GRM6: variants seen among roughly 807,000 people sequenced by gnomAD.
GRM6 encodes metabotropic glutamate receptor 6.
In GRM6, 73 loss-of-function variants were observed where a neutral mutation model predicts 78.4. The ratio of observed to expected loss-of-function variants is 0.93; its 90% CI spans 0.77 to 1.13. GRM6 has a LOEUF of 1.13. Ranked by LOEUF, GRM6 falls within the 50% of genes most tolerant of loss-of-function variation. The pLI is 0.00. For missense variants in GRM6, 1,251 were observed against 1,256.4 expected (o/e 1.00, Z 0.07); for synonymous variants, 580 against 555.0 (o/e 1.05, Z -0.63).
chr5:178,994,471 G>C lies in GRM6; in HGVS notation c.474C>G (p.Ile158Met). 6.7e-7 allele frequency: 1 copy of C among 1,485,220 alleles called. No homozygotes were observed. Among genetic ancestry groups the C allele is most frequent in the East Asian group, 2.9e-5 (1 of 34,600 alleles). 92.0% of individuals were successfully genotyped at this position (1,485,220 alleles called of 1,614,324 possible). A position where few individuals can be genotyped will look rare whatever the true frequency, so the allele number is the denominator to read the frequency against. ...ACAGGCGCAGCACGTTGGCGACCAT[G>C]ATGGAGACGGAGCTGGCCGAGGCGC... ...VVGASASSVSIMVANVLRLFA... is the reference protein window; with the variant it reads ...VVGASASSVSMMVANVLRLFA... The change falls in exon 2 of 11, where the codon ATC becomes ATG. Residue 158 changes from isoleucine (I) to methionine (M), a missense_variant. Transcript: ENST00000517717.
chr5:178,986,407 A>G lies in GRM6; in HGVS notation c.1847T>C (p.Val616Ala). The G allele has an allele frequency of 6.2e-7, 1 of 1,613,782 alleles. No homozygotes were observed. Among genetic ancestry groups the G allele is most frequent in the Non-Finnish European group, 8.5e-7 (1 of 1,179,990 alleles). Residue 616 changes from valine to alanine, a missense_variant, in exon 9 of 11, where the codon GTC (valine) becomes GCC (alanine). Coordinates refer to ENST00000517717, the MANE Select transcript of GRM6 (RefSeq NM_000843.4). Reference sequence around the variant, plus strand: ...GCTGAGCTCTCGGCCCGAGGCCCGGACGATGGGCGTGTTGTTGTACCGCAC... The same window carrying G: ...GCTGAGCTCTCGGCCCGAGGCCCGGGCGATGGGCGTGTTGTTGTACCGCAC... ...TFVRYNNTPI[V>A]RASGRELSYV...
In GRM6 at chr5:178,994,646, G is replaced by T. The variant is rs1464115346; in HGVS notation, c.299C>A (p.Ser100Ter). ...RLGARLLDTC[S>*]RDTYALEQAL... is the part of the protein sequence containing the mutation. ...CTGCTCCAGCGCGTAGGTGTCCCGC[G>T]AGCAGGTGTCCAGCAGCCGCGCGCC... Residue 100 changes from serine (S) to a stop codon, truncating the protein, a stop_gained, in exon 2 of 11, where the codon TCG becomes TAG. Transcript: ENST00000517717. LOFTEE classifies it high-confidence loss of function. The T allele has an allele frequency of 1.4e-6, 2 of 1,463,086 alleles. No individual in the cohort carries two copies. Among genetic ancestry groups the T allele is most frequent in the Non-Finnish European group, 9.0e-7 (1 of 1,110,348 alleles). The allele number at this position is 1,463,086 out of a possible 1,614,324, so 90.6% of individuals were successfully genotyped here.
Position 178,986,263 on chromosome 5 carries a change from CT to C in GRM6, c.1990del (p.Ser664AlafsTer49), listed in dbSNP as rs1250822131. ...RLFLGLGTTL[S>X]YSALLTKTNR... Reference sequence around the variant, plus strand: ...GGTCTTGGTGAGCAGGGCAGAGTAGCTGAGGGTCGTGCCCAGGCCCAGGAAG... The same window carrying C: ...GGTCTTGGTGAGCAGGGCAGAGTAGCGAGGGTCGTGCCCAGGCCCAGGAAG... On this transcript the variant is annotated frameshift_variant, in exon 9 of 11. Transcript: ENST00000517717. LOFTEE classifies it high-confidence loss of function. 11 of 1,614,036 alleles carry C rather than the reference CT, an allele frequency of 6.8e-6. No individual in the cohort carries two copies. Among genetic ancestry groups the C allele is most frequent in the African/African-American group, 1.3e-5 (1 of 74,936 alleles).
intron 4 of GRM6, 21 bp from the exon 5 acceptor site, chr5:178,990,767 G>A (rs768776744): frequency 6.4e-7 from 1 of 1,550,404 alleles, no homozygotes. Flanking sequence ...CAGGGCTGGG[G>A]TGAGGGAGGG....
chr5:178,989,521 G>A (rs1164951422), intron 5 of GRM6, 116 bp from the exon 6 acceptor site: 2 of 1,331,264 alleles, frequency 1.5e-6, no homozygotes, highest in African/African-American at 1.5e-5. Context: ...GCTAGGAGTG[G>A]CCAGGTGAAC....
chr5:178,991,281 A>T lies in GRM6; in HGVS notation c.857+143T>A. ...GCTTCTGAGCCTGGGCACCAGACTC[A>T]GAGGCAGCAGCAGGGAAGGTGGGGG... On this transcript the variant is annotated intron_variant, in intron 4 of 10. Coordinates refer to ENST00000517717, the MANE Select transcript of GRM6 (RefSeq NM_000843.4). This position sits in a 1 kb window ranked among gnomAD's most constrained non-coding sequence, Gnocchi z 5.0. 1.2e-6 allele frequency: 1 copy of T among 854,914 alleles called. No homozygotes were observed. Among genetic ancestry groups the T allele is most frequent in the Non-Finnish European group, 2.0e-6 (1 of 505,864 alleles). The allele number at this position is 854,914 out of a possible 1,614,324, so 53.0% of individuals were successfully genotyped here.
intron 10 of GRM6, chr5:178,982,695 A>AAG (rs1021034678): frequency 2.8e-6 from 1 of 361,276 alleles, no homozygotes; most frequent in African/African-American, 2.2e-5. Flanking sequence ...AAAATGATAA[A>AAG]AAAAAAAAAG....
Position 178,994,614 on chromosome 5 carries a change from T to A in GRM6, c.331A>T (p.Ser111Cys). ...CCGCGGATCAGCGCCTGCACGAAGC[T>A]CAGCGCCTGCTCCAGCGCGTAGGTG... Reference protein sequence around the residue: ...RDTYALEQALSFVQALIRGRG... With the variant: ...RDTYALEQALCFVQALIRGRG... Residue 111 changes from serine (S) to cysteine (C), a missense_variant, in exon 2 of 11, where the codon AGC becomes TGC. By Grantham distance (112) the Ser-to-Cys change is moderately radical (BLOSUM62 -1). Coordinates refer to ENST00000517717, the MANE Select transcript of GRM6 (RefSeq NM_000843.4). 6.9e-7 allele frequency: 1 copy of A among 1,441,416 alleles called. No individual in the cohort carries two copies. Among genetic ancestry groups the A allele is most frequent in the Non-Finnish European group, 9.1e-7 (1 of 1,098,566 alleles). 89.3% of individuals were successfully genotyped at this position (1,441,416 alleles called of 1,614,324 possible).
chr5:178,989,414 A>G lies in GRM6; in HGVS notation c.1013-9T>C. ...GAAGTACTGGTCAAATCCTACAGAC[A>G]GGGAAGAAGGGGGAGGGTGGCGCTG... On this transcript the variant is annotated splice_polypyrimidine_tract_variant and intron_variant, in intron 5 of 10. Coordinates refer to ENST00000517717, the MANE Select transcript of GRM6 (RefSeq NM_000843.4). The G allele has an allele frequency of 6.2e-7, 1 of 1,614,030 alleles. No homozygotes were observed. The highest frequency in any genetic ancestry group is 8.5e-7 in the Non-Finnish European group (1 of 1,180,002).
At chr5:178,985,509 C>A (rs918393233) in intron 9 of GRM6, 2 of 336,826 alleles carry the variant, frequency 5.9e-6, no homozygotes, top group Non-Finnish European at 1.2e-5. Flanking sequence ...CGAGACCATC[C>A]TGGCTAACAC....
chr5:178,981,640 C>T lies in GRM6; in HGVS notation c.*17G>A, dbSNP rs767370044. The T allele has an allele frequency of 3.1e-5, 49 of 1,597,158 alleles. No individual in the cohort carries two copies. Among genetic ancestry groups the T allele is most frequent in the Middle Eastern group, 1.7e-4 (1 of 6,036 alleles). On this transcript the variant is annotated 3_prime_UTR_variant, in exon 11 of 11. Transcript: ENST00000517717. The surrounding 1 kb of genome is among the most constrained non-coding windows in gnomAD (Gnocchi z 5.1). ...AGAAAGGAGAGGCAGCAAGCAGTCC[C>T]GTTCCCACCTGCCCTGCTACTTGTG... is the stretch of plus-strand genomic sequence containing the variant.
chr5:178,990,251 A>T (rs139067568), intron 5 of GRM6: 5 of 359,478 alleles, frequency 1.4e-5, no homozygotes, highest in Non-Finnish European at 2.7e-5. Flanking sequence ...GATCACCAGG[A>T]TGGTATATTC....
rs1760441153 is a variant in GRM6, at chr5:178,983,239, G to A, written c.2125-18C>T. 1.2e-6 allele frequency: 2 copies of A among 1,601,380 alleles called. No individual in the cohort carries two copies. The highest frequency in any genetic ancestry group is 1.7e-6 in the Non-Finnish European group (2 of 1,171,088). On this transcript the variant is annotated intron_variant, in intron 9 of 10. Coordinates refer to ENST00000517717, the MANE Select transcript of GRM6 (RefSeq NM_000843.4). Reference sequence around the variant, plus strand: ...CCCACCACCTGCAGGAGCCAACACTGCATCAGACACAGCACTTTCCAGGGA... The same window carrying A: ...CCCACCACCTGCAGGAGCCAACACTACATCAGACACAGCACTTTCCAGGGA...
chr5:178,989,670 T>C (rs1259876328), intron 5 of GRM6: 18 of 564,728 alleles, frequency 3.2e-5, no homozygotes, highest in Non-Finnish European at 5.4e-5. Flanking sequence ...GGTTCCAGGG[T>C]AGCACTTACA....
At chr5:178,987,417 A>G in intron 7 of GRM6, 1 of 459,054 alleles carries the variant, frequency 2.2e-6, no homozygotes, top group Non-Finnish European at 4.4e-6. Context: ...CCGAGCGTCC[A>G]CTGACAGAAG....
chr5:178,986,922 G>T lies in GRM6; in HGVS notation c.1416C>A (p.Ile472=). 6.2e-7 allele frequency: 1 copy of T among 1,614,130 alleles called. No homozygotes were observed. Among genetic ancestry groups the T allele is most frequent in the Non-Finnish European group, 8.5e-7 (1 of 1,179,986 alleles). Residue 472 remains isoleucine (I), a synonymous_variant, in exon 8 of 11, where the codon ATC becomes ATA. Coordinates refer to ENST00000517717, the MANE Select transcript of GRM6 (RefSeq NM_000843.4). ...TGCCATTGGTCGCCTGGTACTGGAA[G>T]ATGTCGTACCGCCCGGGCGCATCTC... The part of the protein sequence containing the change: ...ENGDAPGRYD[I]FQYQATNGSA...
Position 178,991,909 on chromosome 5 carries a change from C to A in GRM6, c.679G>T (p.Glu227Ter). 4.3e-6 allele frequency: 7 copies of A among 1,614,106 alleles called. No homozygotes were observed. The highest frequency in any genetic ancestry group is 5.9e-6 in the Non-Finnish European group (7 of 1,180,020). ...TGAACGAAGGCCTCAACCCCACTTT[C>A]GCCATAGTTGCCCTCGGAGGCCAGC... The part of the protein sequence containing the change: ...STLASEGNYG[E>*]SGVEAFVQIS... Residue 227 changes from glutamate to a stop codon, truncating the protein, a stop_gained, in exon 3 of 11, where the codon GAA becomes TAA. Coordinates refer to ENST00000517717, the MANE Select transcript of GRM6 (RefSeq NM_000843.4). LOFTEE classifies it high-confidence loss of function. This position sits in a 1 kb window ranked among gnomAD's most constrained non-coding sequence, Gnocchi z 5.0.
rs754013696 is a variant in GRM6 at position 178,986,174 on chromosome 5, G to A, written c.2080C>T (p.Pro694Ser). The A allele has an allele frequency of 6.2e-6, 10 of 1,614,096 alleles. No individual in the cohort carries two copies. The highest frequency in any genetic ancestry group is 8.5e-6 in the Non-Finnish European group (10 of 1,179,996). Residue 694 changes from proline (P) to serine (S), a missense_variant, in exon 9 of 11, where the codon CCC becomes TCC. Transcript: ENST00000517717. ...AAGGTGATGACCAGCTGTGAGGTGG[G>A]GCTGATGAAGGGAGGGGGTGTGACC... ...RSVTPPPFISPTSQLVITFSL... is the reference protein window; with the variant it reads ...RSVTPPPFISSTSQLVITFSL...
chr5:178,983,116 A>C lies in GRM6; in HGVS notation c.2230T>G (p.Cys744Gly), dbSNP rs757551951. The change falls in exon 10 of 11, where the codon TGC becomes GGC. Residue 744 changes from cysteine (C) to glycine (G), a missense_variant. Cys to Gly is a radical substitution (Grantham distance 159). Transcript: ENST00000517717. ...DPEQARGVLK[C>G]DMSDLSLIGC... is the part of the protein sequence containing the mutation. The stretch of plus-strand genomic sequence containing the variant: ...ATGAGAGACAGATCCGACATGTCGC[A>C]CTTGAGCACCCCTCTGGCCTGCTCG... 17 of 1,613,934 alleles carry C rather than the reference A, an allele frequency of 1.1e-5. No homozygotes were observed. The highest frequency in any genetic ancestry group is 5.1e-6 in the Non-Finnish European group (6 of 1,179,996).
Sources: gnomAD v4.1 joint callset for allele counts on GRCh38, gnomAD v4.1.1 for gene constraint, Gnocchi (gnomAD v3.1) non-coding constraint, MANE v1.5 for transcripts, NCBI Gene and HGNC (gene_info 2026-07-23, HGNC 2026-07-21) for gene names.